The following BCL2L13 variants were observed in gnomAD, a reference collection of about 807,000 sequenced individuals.
BCL2L13 encodes the protein bcl-2-like protein 13.
Under a neutral mutation model 25.8 loss-of-function variants are expected in BCL2L13, and 13 were observed. The observed-to-expected ratio is 0.50, with a 90% CI of 0.33 to 0.80. The LOEUF (loss-of-function observed/expected upper bound fraction) is 0.80, where lower values mean the gene tolerates loss of function less well. BCL2L13 is among the 30% of genes least tolerant of loss of function. BCL2L13 has a pLI of 0.02. For missense variants in BCL2L13, 504 were observed against 574.9 expected, an observed-to-expected ratio of 0.88 and a Z score of 1.26; for synonymous variants, 244 against 230.3, an observed-to-expected ratio of 1.06 and a Z score of -0.54.
At chr22:17,685,443 C>CG (rs1463947255) in intron 3 of BCL2L13, among the ~76,000 whole-genome samples, 1 of 150,438 alleles carries the variant, frequency 6.6e-6, no homozygotes, top group East Asian at 2.0e-4. Flanking sequence ...AGGCTGGTCT[C>CG]CAACTCCTGA....
intron 6 of BCL2L13, among the ~76,000 whole-genome samples, chr22:17,721,862 G>T (rs1395413819): frequency 1.3e-5 from 2 of 151,416 alleles, no homozygotes; most frequent in Non-Finnish European, 2.9e-5. Context: ...GGGTTTCACC[G>T]TGTTAGCCAG....
intron 2 of BCL2L13, among the ~76,000 whole-genome samples, chr22:17,663,826 A>G (rs1389262873): frequency 6.9e-6 from 1 of 145,104 alleles, no homozygotes; most frequent in Admixed American, 7.0e-5. Flanking sequence ...AGCTGGGATT[A>G]CAGATGCTTG....
intron 6 of BCL2L13, among the ~76,000 whole-genome samples, chr22:17,721,503 T>TC (rs5844322): frequency 6.6e-6 from 1 of 151,124 alleles, no homozygotes; most frequent in Non-Finnish European, 1.5e-5. Context: ...TTTTTTTTTT[T>TC]AAGTCATGAC....
At chr22:17,663,805 G>A (rs1330895819) in intron 2 of BCL2L13, among the ~76,000 whole-genome samples, 1 of 146,230 alleles carries the variant, frequency 6.8e-6, no homozygotes, top group Non-Finnish European at 1.5e-5. Flanking sequence ...TCCTGCCTCA[G>A]CCTCCTGAGT....
chr22:17,637,022 C>T (rs1398960585), upstream of BCL2L13, among the ~76,000 whole-genome samples: 1 of 152,094 alleles, frequency 6.6e-6, no homozygotes, highest in African/African-American at 2.4e-5. Flanking sequence ...CCTGTAATCC[C>T]AGCACTTTGG....
Position 17,727,755 on chromosome 22 carries a change from A to G in BCL2L13, c.*221A>G. 1 of 631,872 alleles carries G rather than the reference A, an allele frequency of 1.6e-6. No homozygotes were observed. Among genetic ancestry groups the G allele is most frequent in the Non-Finnish European group, 2.7e-6 (1 of 373,606 alleles). The allele number at this position is 631,872 out of a possible 1,614,324, so 39.1% of individuals were successfully genotyped here. On this transcript the variant is annotated 3_prime_UTR_variant, in exon 7 of 7. Coordinates refer to ENST00000317582, the MANE Select transcript of BCL2L13 (RefSeq NM_015367.4). ...AAGGGCCTCCGCTCATGCTAAATTG[A>G]GAATCTTAGGGGTAAAGCACCCCCT... is the stretch of plus-strand genomic sequence containing the variant.
chr22:17,668,018 C>CT (rs199755262), intron 2 of BCL2L13, among the ~76,000 whole-genome samples: 8,019 of 45,826 alleles, frequency 0.17, 467 homozygotes, highest in African/African-American at 0.31. Context: ...GTTGCCTATT[C>CT]TTTTTTTTTT....
intron 3 of BCL2L13, chr22:17,684,737 G>GT: frequency 1.2e-5 from 4 of 344,620 alleles, no homozygotes; most frequent in East Asian, 8.8e-5. Context: ...CTAATTTTTT[G>GT]TATTTTTTTT....
chr22:17,715,120 TTTTATATATATATA>T (rs2060876582), intron 6 of BCL2L13, among the ~76,000 whole-genome samples: 3 of 83,592 alleles, frequency 3.6e-5, no homozygotes, highest in African/African-American at 1.4e-4. Context: ...TCAGTGTTAA[TTTTATATATATATA>T]TATATATATA....
At chr22:17,668,042 G>T (rs11705455) in intron 2 of BCL2L13, among the ~76,000 whole-genome samples, 1 of 133,082 alleles carries the variant, frequency 7.5e-6, no homozygotes, top group African/African-American at 2.9e-5. Flanking sequence ...AGACAGTCTC[G>T]CTCTGTCGCC....
At chr22:17,695,071 T>G (rs998574056) in intron 4 of BCL2L13, among the ~76,000 whole-genome samples, 2 of 148,220 alleles carry the variant, frequency 1.3e-5, no homozygotes, top group Admixed American at 1.3e-4. Flanking sequence ...TTGGAACTTA[T>G]GGTTCCAGGA....
intron 3 of BCL2L13, among the ~76,000 whole-genome samples, chr22:17,686,134 T>C (rs1292026506): frequency 6.6e-6 from 1 of 151,948 alleles, no homozygotes; most frequent in Admixed American, 6.6e-5. Context: ...TCCTCGTTAG[T>C]AGAGAAAAAA....
intron 3 of BCL2L13, chr22:17,684,484 G>A (rs1300454637): frequency 4.7e-6 from 2 of 428,888 alleles, no homozygotes; most frequent in African/African-American, 4.1e-5. Flanking sequence ...CCCACACCAG[G>A]CACCCACTGA....
At chr22:17,643,787 G>A (rs1006546665) in intron 1 of BCL2L13, among the ~76,000 whole-genome samples, 6 of 151,574 alleles carry the variant, frequency 4.0e-5, no homozygotes, top group African/African-American at 1.5e-4. Flanking sequence ...CTAATTTTTT[G>A]TATTTTTAGT....
intron 2 of BCL2L13, among the ~76,000 whole-genome samples, chr22:17,674,641 C>A (rs894119669): frequency 1.3e-5 from 2 of 149,426 alleles, no homozygotes; most frequent in African/African-American, 4.9e-5. Flanking sequence ...GAAATGAGTT[C>A]TTGCTATGTT....
At chr22:17,703,010 C>A (rs2060483257) in intron 6 of BCL2L13, 1 of 152,088 alleles carries the variant, frequency 6.6e-6, no homozygotes, top group Admixed American at 6.6e-5. Context: ...AAAAAATTAA[C>A]TGGGCTTGGT....
At chr22:17,718,742 G>A (rs958216080) in intron 6 of BCL2L13, among the ~76,000 whole-genome samples, 5 of 152,114 alleles carry the variant, frequency 3.3e-5, no homozygotes, top group Non-Finnish European at 7.4e-5. Flanking sequence ...TAGACTACTA[G>A]TTCCTCTCAT....
At position 17,656,335 on chromosome 22, in the gene BCL2L13, CTTTTTTT is replaced by C. The variant is rs890631679; in HGVS notation, c.121+530_121+536del. On this transcript the variant is annotated intron_variant, in intron 2 of 6. Transcript: ENST00000317582. ...CAAAAGTATTTTTTTTCATTTTATTCTTTTTTTTTTTTTTTTTTTTTTTTTTTTTTTT... is the reference window on the plus strand; with the variant it reads ...CAAAAGTATTTTTTTTCATTTTATTCTTTTTTTTTTTTTTTTTTTTTTTTT... Among the ~76,000 whole-genome samples the C allele has an allele frequency of 6.1e-3, 354 of 57,790 alleles. 1 individual carries two copies. Among genetic ancestry groups the C allele is most frequent in the Admixed American group, 8.0e-3 (24 of 3,014 alleles). 37.9% of individuals were successfully genotyped at this position (57,790 alleles called of 152,430 possible). A position where few individuals can be genotyped will look rare whatever the true frequency, so the allele number is the denominator to read the frequency against.
intron 6 of BCL2L13, chr22:17,706,761 T>G (rs1163575572): frequency 2.2e-6 from 3 of 1,352,012 alleles, no homozygotes; most frequent in Non-Finnish European, 2.9e-6. Context: ...TTTCATTTCC[T>G]GGGCTTGTGT....
Sources: gnomAD v4.1 joint callset for allele counts (sites outside exome capture counted in the v4.1 genomes callset) on GRCh38, gnomAD v4.1.1 for gene constraint, MANE v1.5 for transcripts, NCBI Gene and HGNC (gene_info 2026-07-23, HGNC 2026-07-21) for gene names.